Variants in ADGRB3 observed in about 807,000 individuals in gnomAD.
ADGRB3 encodes the protein adhesion G protein-coupled receptor B3.
ADGRB3 carries 37 observed loss-of-function variants against 193.4 expected under a neutral mutation model. That is an observed-to-expected ratio of 0.19 (90% confidence interval 0.15 to 0.25). The LOEUF (loss-of-function observed/expected upper bound fraction) is 0.25, where lower values mean the gene tolerates loss of function less well. Among genes scored for constraint, ADGRB3 ranks in the 10% least tolerant of loss-of-function variants. The probability of loss-of-function intolerance (pLI) is 1.00; values close to 1 mark genes in which losing one functional copy is unlikely to be tolerated. For missense variants in ADGRB3, 1,637 were observed against 1,852.9 expected (o/e 0.88, Z 2.14); for synonymous variants, 690 against 644.2 (o/e 1.07, Z -1.08).
chr6:69,050,227 A>C (rs1227537464), intron 15 of ADGRB3, among the ~76,000 whole-genome samples: 1 of 148,216 alleles, frequency 6.7e-6, no homozygotes, highest in East Asian at 1.9e-4. Context: ...AGTGCAGATG[A>C]AAAAAAAATC....
intron 31 of ADGRB3, among the ~76,000 whole-genome samples, chr6:69,385,438 T>C (rs962551981): frequency 6.6e-6 from 1 of 151,958 alleles, no homozygotes; most frequent in Non-Finnish European, 1.5e-5. Flanking sequence ...CCACGAACTA[T>C]GGGAAATGCT....
chr6:68,821,556 A>C (rs1173707455), intron 3 of ADGRB3, among the ~76,000 whole-genome samples: 1 of 151,708 alleles, frequency 6.6e-6, no homozygotes, highest in Non-Finnish European at 1.5e-5. Flanking sequence ...GGCATTCCTT[A>C]ATGGCCTCAC....
chr6:68,765,689 A>T (rs1477153413), intron 3 of ADGRB3, among the ~76,000 whole-genome samples: 1 of 152,054 alleles, frequency 6.6e-6, no homozygotes, highest in South Asian at 2.1e-4. Flanking sequence ...TGAAAAGCTT[A>T]TAATTTTATT....
At chr6:68,854,053 T>G (rs1286490697) in intron 3 of ADGRB3, among the ~76,000 whole-genome samples, 1 of 152,184 alleles carries the variant, frequency 6.6e-6, no homozygotes, top group Admixed American at 6.5e-5. Context: ...TATATAAAAA[T>G]GGCTACTACC....
At chr6:68,999,161 C>G (rs1562116259) in intron 11 of ADGRB3, among the ~76,000 whole-genome samples, 1 of 152,002 alleles carries the variant, frequency 6.6e-6, no homozygotes, top group Non-Finnish European at 1.5e-5. Context: ...ACTAGTAGAA[C>G]ATATTTCAAA....
At chr6:69,023,176 CT>C (rs1350016514) in intron 13 of ADGRB3, among the ~76,000 whole-genome samples, 1 of 152,058 alleles carries the variant, frequency 6.6e-6, no homozygotes, top group African/African-American at 2.4e-5. Context: ...TAAGCAAAGC[CT>C]TTGCTGAATG....
intron 27 of ADGRB3, among the ~76,000 whole-genome samples, chr6:69,354,608 A>G (rs955525537): frequency 2.0e-5 from 3 of 152,192 alleles, no homozygotes; most frequent in African/African-American, 4.8e-5. Context: ...TGATTTATGC[A>G]TAGGATCATG....
chr6:69,109,396 C>T (rs970430989), intron 17 of ADGRB3, among the ~76,000 whole-genome samples: 28 of 152,136 alleles, frequency 1.8e-4, no homozygotes, highest in African/African-American at 2.4e-5. Flanking sequence ...CCCAGTCTTC[C>T]ATGTCCTTTG....
intron 17 of ADGRB3, among the ~76,000 whole-genome samples, chr6:69,208,022 C>T (rs915756660): frequency 1.3e-5 from 2 of 152,176 alleles, no homozygotes; most frequent in Non-Finnish European, 2.9e-5. Context: ...ATCGAGGGCT[C>T]GGCGTTGGTC....
intron 20 of ADGRB3, among the ~76,000 whole-genome samples, chr6:69,280,809 T>C (rs1040277977): frequency 2.6e-5 from 4 of 152,106 alleles, no homozygotes; most frequent in African/African-American, 9.7e-5. Context: ...TCAGGCAGGC[T>C]TTAATGGCAA....
intron 17 of ADGRB3, among the ~76,000 whole-genome samples, chr6:69,116,368 T>C (rs1220928919): frequency 6.6e-6 from 1 of 152,122 alleles, no homozygotes; most frequent in Non-Finnish European, 1.5e-5. Flanking sequence ...CACACACCTG[T>C]TTTCACCCCT....
chr6:68,703,127 G>A lies in ADGRB3; in HGVS notation c.757+63695G>A, dbSNP rs1416647890. Among the ~76,000 whole-genome samples the A allele has an allele frequency of 5.9e-5, 9 of 152,242 alleles. No homozygotes were observed. In the East Asian group the frequency reaches 1.4e-3, roughly 23 times the overall value. ...GGTAAAATGTTAGTAGTAAAATCAA[G>A]GTGATGGGTATATAACTGTTTACTG... On this transcript the variant is annotated intron_variant, in intron 3 of 31. Coordinates refer to ENST00000370598, the MANE Select transcript of ADGRB3 (RefSeq NM_001704.3).
chr6:68,841,818 T>C (rs1054372756), intron 3 of ADGRB3, among the ~76,000 whole-genome samples: 17 of 152,004 alleles, frequency 1.1e-4, no homozygotes, highest in Admixed American at 5.9e-4. Context: ...ATTAAAACAA[T>C]TGAACAAATG....
At chr6:68,679,625 G>T (rs1375364443) in intron 3 of ADGRB3, among the ~76,000 whole-genome samples, 1 of 152,148 alleles carries the variant, frequency 6.6e-6, no homozygotes, top group Non-Finnish European at 1.5e-5. Flanking sequence ...TTATCTGCCA[G>T]CATTAATGAA....
intron 17 of ADGRB3, among the ~76,000 whole-genome samples, chr6:69,210,663 A>G (rs966508402): frequency 1.3e-5 from 2 of 152,276 alleles, no homozygotes; most frequent in African/African-American, 4.8e-5. Context: ...GAATGCAGAC[A>G]TAAGCCATCA....
At chr6:68,970,737 C>G (rs181999831) in intron 8 of ADGRB3, among the ~76,000 whole-genome samples, 1 of 152,308 alleles carries the variant, frequency 6.6e-6, no homozygotes, top group African/African-American at 2.4e-5. Flanking sequence ...AGCACAGGTC[C>G]TAGGACACAG....
chr6:69,332,052 G>T, intron 23 of ADGRB3: 5 of 985,298 alleles, frequency 5.1e-6, no homozygotes, highest in Non-Finnish European at 6.0e-6. Flanking sequence ...CACCAAGATT[G>T]GAAAGAGGCC....
At chr6:68,731,187 T>A (rs1027989055) in intron 3 of ADGRB3, among the ~76,000 whole-genome samples, 1 of 151,680 alleles carries the variant, frequency 6.6e-6, no homozygotes, top group Non-Finnish European at 1.5e-5. Flanking sequence ...AACTTACTAT[T>A]TGGTAAATAA....
chr6:68,913,662 C>T (rs1352521009), intron 3 of ADGRB3, among the ~76,000 whole-genome samples: 2 of 152,210 alleles, frequency 1.3e-5, no homozygotes, highest in South Asian at 2.1e-4. Flanking sequence ...GAACACAGTT[C>T]CTCACCAGCA....
Sources: allele counts gnomAD v4.1 joint callset (sites outside exome capture counted in the v4.1 genomes callset), GRCh38; gene constraint gnomAD v4.1.1; transcripts MANE v1.5; gene names NCBI Gene and HGNC (gene_info 2026-07-23, HGNC 2026-07-21).